CADM2: variants seen among roughly 807,000 people sequenced by gnomAD.
CADM2 encodes immunoglobulin superfamily member 4D.
CADM2 carries 12 observed loss-of-function variants against 49.8 expected under a neutral mutation model. The observed-to-expected ratio is 0.24, with a 90% CI of 0.15 to 0.39. The LOEUF is 0.39. Among genes scored for constraint, CADM2 ranks in the 10% least tolerant of loss-of-function variants. The pLI is 1.00. For synonymous variants in CADM2, 214 were observed against 175.4 expected (o/e 1.22, Z -1.74); for missense variants, 378 against 492.3 (o/e 0.77, Z 2.20).
intron 1 of CADM2, among the ~76,000 whole-genome samples, chr3:85,278,717 CTTGTGTGTGT>C (rs1289764647): frequency 6.1e-4 from 51 of 83,366 alleles, no homozygotes; most frequent in African/African-American, 2.5e-3. Flanking sequence ...TGCTGATGTT[CTTGTGTGTGT>C]GTGTGTGTGT....
chr3:85,724,635 A>G (rs1310843975), intron 1 of CADM2, among the ~76,000 whole-genome samples: 1 of 149,860 alleles, frequency 6.7e-6, no homozygotes, highest in Admixed American at 6.6e-5. Flanking sequence ...CAGACTGCAA[A>G]TTAATGTGTA....
chr3:85,617,093 G>A (rs989019372), intron 1 of CADM2, among the ~76,000 whole-genome samples: 1 of 152,052 alleles, frequency 6.6e-6, no homozygotes, highest in Non-Finnish European at 1.5e-5. Flanking sequence ...TTCTTCCGTG[G>A]ACGCCAGCTG....
intron 1 of CADM2, among the ~76,000 whole-genome samples, chr3:85,158,078 A>C (rs2040197003): frequency 6.6e-6 from 1 of 152,246 alleles, no homozygotes; most frequent in African/African-American, 2.4e-5. Context: ...CAGCCAAAAA[A>C]CACATGAAAA....
chr3:85,804,128 T>A (rs2108086756), intron 3 of CADM2, among the ~76,000 whole-genome samples: 1 of 152,254 alleles, frequency 6.6e-6, no homozygotes, highest in South Asian at 2.1e-4. Context: ...CAAATATTAG[T>A]AAATAAATAT....
intron 8 of CADM2, among the ~76,000 whole-genome samples, chr3:86,055,941 T>G (rs1215627967): frequency 1.3e-5 from 2 of 152,196 alleles, no homozygotes; most frequent in Non-Finnish European, 1.5e-5. Flanking sequence ...AAAAAGAGAC[T>G]ACTATTTTAT....
At chr3:86,056,966 G>T (rs1037772299) in intron 8 of CADM2, among the ~76,000 whole-genome samples, 5 of 152,142 alleles carry the variant, frequency 3.3e-5, no homozygotes, top group African/African-American at 9.7e-5. Flanking sequence ...TTGAAAATCT[G>T]TTGTATGATG....
At chr3:86,024,880 A>T (rs932359500) in intron 8 of CADM2, among the ~76,000 whole-genome samples, 17 of 151,088 alleles carry the variant, frequency 1.1e-4, no homozygotes, top group Admixed American at 2.0e-4. Context: ...TTATTATTAT[A>T]ATATATATTT....
intron 1 of CADM2, among the ~76,000 whole-genome samples, chr3:85,618,813 A>G (rs2063878843): frequency 6.6e-6 from 1 of 151,430 alleles, no homozygotes; most frequent in Non-Finnish European, 1.5e-5. Flanking sequence ...TGTTATCTCC[A>G]TATATGACTG....
chr3:85,556,968 C>T (rs1361162394), intron 1 of CADM2, among the ~76,000 whole-genome samples: 1 of 151,988 alleles, frequency 6.6e-6, no homozygotes, highest in Admixed American at 6.6e-5. Context: ...AAACCATTTG[C>T]TCTGAATTAT....
chr3:85,832,611 C>T (rs1435741780), intron 3 of CADM2, among the ~76,000 whole-genome samples: 2 of 151,526 alleles, frequency 1.3e-5, no homozygotes, highest in African/African-American at 4.9e-5. Flanking sequence ...TCAGCTTGAA[C>T]ATTATTGTTG....
chr3:85,181,537 A>G (rs368647854), intron 1 of CADM2, among the ~76,000 whole-genome samples: 20 of 152,236 alleles, frequency 1.3e-4, no homozygotes, highest in African/African-American at 4.6e-4. Context: ...AGAATCTGCC[A>G]TGTAAATTGA....
chr3:85,462,389 T>G (rs1304181879), intron 1 of CADM2, among the ~76,000 whole-genome samples: 1 of 152,192 alleles, frequency 6.6e-6, no homozygotes, highest in Non-Finnish European at 1.5e-5. Flanking sequence ...CGGTATTTCT[T>G]GAGGTACATT....
chr3:85,709,954 C>T (rs1050960899), intron 1 of CADM2, among the ~76,000 whole-genome samples: 4 of 152,112 alleles, frequency 2.6e-5, no homozygotes, highest in African/African-American at 9.7e-5. Flanking sequence ...TGAACGCTTT[C>T]TTTAAATGTT....
In CADM2 at chr3:84,959,426, T is replaced by TTGCCGC; in HGVS notation, c.-174_-169dup. 3.4e-6 allele frequency: 2 copies of TTGCCGC among 595,272 alleles called. No individual in the cohort carries two copies. The highest frequency in any genetic ancestry group is 6.0e-6 in the Non-Finnish European group (2 of 335,922). 36.9% of individuals were successfully genotyped at this position (595,272 alleles called of 1,614,324 possible). On this transcript the variant is annotated 5_prime_UTR_variant, in exon 1 of 10. Coordinates refer to ENST00000383699, the MANE Select transcript of CADM2 (RefSeq NM_001167675.2). Reference sequence around the variant, plus strand: ...CGCGATACCCCATTCTGCGGGTGCTTTGCCGCTGCCGCTTCTGCTGCCGCC... The same window carrying TTGCCGC: ...CGCGATACCCCATTCTGCGGGTGCTTTGCCGCTGCCGCTGCCGCTTCTGCTGCCGCC...
intron 1 of CADM2, among the ~76,000 whole-genome samples, chr3:85,231,082 G>C (rs1401129015): frequency 6.6e-6 from 1 of 151,690 alleles, no homozygotes; most frequent in Non-Finnish European, 1.5e-5. Context: ...CATATTGTCT[G>C]TGTCCTAAAT....
chr3:85,386,599 G>C (rs1048072972), intron 1 of CADM2, among the ~76,000 whole-genome samples: 1 of 152,186 alleles, frequency 6.6e-6, no homozygotes, highest in African/African-American at 2.4e-5. Context: ...GACAGTGTGC[G>C]TGTTGTGGGC....
At chr3:85,280,526 G>A (rs548352213) in intron 1 of CADM2, among the ~76,000 whole-genome samples, 1 of 151,644 alleles carries the variant, frequency 6.6e-6, no homozygotes, top group African/African-American at 2.4e-5. Context: ...GCCTTCATGT[G>A]CATTTCTTTG....
intron 1 of CADM2, among the ~76,000 whole-genome samples, chr3:85,042,640 T>C (rs1219972810): frequency 6.6e-6 from 1 of 152,214 alleles, no homozygotes; most frequent in Non-Finnish European, 1.5e-5. Flanking sequence ...ATAAATAGCA[T>C]TGAAAGTGTC....
intron 1 of CADM2, among the ~76,000 whole-genome samples, chr3:85,009,919 A>G (rs1486027972): frequency 6.6e-6 from 1 of 150,690 alleles, no homozygotes; most frequent in East Asian, 1.9e-4. Context: ...ATTTTAAAAA[A>G]TAAATAAAAT....
Sources: allele counts gnomAD v4.1 joint callset (sites outside exome capture counted in the v4.1 genomes callset), GRCh38; gene constraint gnomAD v4.1.1; transcripts MANE v1.5; gene names NCBI Gene and HGNC (gene_info 2026-07-23, HGNC 2026-07-21).